CCSER1: variants seen among roughly 807,000 people sequenced by gnomAD.
The protein encoded by CCSER1 is coiled-coil serine rich protein 1.
Under a neutral mutation model 82.0 loss-of-function variants are expected in CCSER1, and 41 were observed. The ratio of observed to expected loss-of-function variants is 0.50; its 90% CI spans 0.39 to 0.65. The LOEUF is 0.65. CCSER1 is among the 30% of genes least tolerant of loss of function. The probability of loss-of-function intolerance (pLI) is 0.00; values close to 1 mark genes in which losing one functional copy is unlikely to be tolerated. For synonymous variants in CCSER1, 414 were observed against 383.9 expected, an observed-to-expected ratio of 1.08 and a Z score of -0.92; for missense variants, 1,119 against 1,064.2, an observed-to-expected ratio of 1.05 and a Z score of -0.72.
intron 10 of CCSER1, among the ~76,000 whole-genome samples, chr4:91,308,977 T>G (rs1169303099): frequency 6.6e-6 from 1 of 152,036 alleles, no homozygotes; most frequent in Non-Finnish European, 1.5e-5. Context: ...TTTAGGCTAC[T>G]GGCCTAAACC....
chr4:90,870,933 T>A (rs1251019416), intron 8 of CCSER1, among the ~76,000 whole-genome samples: 1 of 150,518 alleles, frequency 6.6e-6, no homozygotes, highest in African/African-American at 2.4e-5. Context: ...TTGAATATCC[T>A]CAAAATATAT....
intron 1 of CCSER1, among the ~76,000 whole-genome samples, chr4:90,274,441 C>T (rs1157134548): frequency 2.6e-5 from 4 of 152,096 alleles, no homozygotes; most frequent in African/African-American, 9.7e-5. Context: ...TACGTGTTAT[C>T]TATCAGCTTT....
At chr4:91,123,079 A>G (rs1727226477) in intron 10 of CCSER1, among the ~76,000 whole-genome samples, 2 of 151,674 alleles carry the variant, frequency 1.3e-5, no homozygotes, top group African/African-American at 2.4e-5. Flanking sequence ...TTATGCTGCA[A>G]TCATGCTTGT....
chr4:91,161,784 C>T (rs897820568), intron 10 of CCSER1, among the ~76,000 whole-genome samples: 1 of 152,006 alleles, frequency 6.6e-6, no homozygotes, highest in Non-Finnish European at 1.5e-5. Flanking sequence ...CAACATGAAG[C>T]AATAAGACAT....
At chr4:90,207,561 G>A (rs1040095109) in intron 1 of CCSER1, among the ~76,000 whole-genome samples, 22 of 152,100 alleles carry the variant, frequency 1.4e-4, no homozygotes, top group Admixed American at 7.9e-4. Flanking sequence ...TGATTCTTTC[G>A]AGGAGACAAG....
chr4:91,593,695 A>C (rs1764382869), intron 10 of CCSER1, among the ~76,000 whole-genome samples: 1 of 152,130 alleles, frequency 6.6e-6, no homozygotes, highest in South Asian at 2.1e-4. Context: ...ACACTGAATC[A>C]TTGAGAAAAA....
intron 10 of CCSER1, among the ~76,000 whole-genome samples, chr4:91,426,643 T>C (rs995900298): frequency 2.0e-5 from 3 of 152,210 alleles, no homozygotes; most frequent in Non-Finnish European, 4.4e-5. Flanking sequence ...GAAACCTATA[T>C]GATAAAATGT....
intron 1 of CCSER1, among the ~76,000 whole-genome samples, chr4:90,239,137 C>T (rs765253554): frequency 3.9e-5 from 6 of 152,116 alleles, no homozygotes; most frequent in East Asian, 1.9e-4. Context: ...TGTGAGCCAC[C>T]GTGCCCAGCC....
rs1024716750 is a variant in CCSER1 at position 91,153,888 on chromosome 4, C to A, written c.2217+67894C>A. ...CTCTGGAAGCTTTGTCTCAGAGGGG[C>A]CCCCGGCTGTATGAGGTGTCAGTCG... On this transcript the variant is annotated intron_variant, in intron 10 of 10. Transcript: ENST00000509176. Among the ~76,000 whole-genome samples, 7 of 151,782 alleles carry A rather than the reference C, an allele frequency of 4.6e-5. 1 individual carries two copies. The highest frequency in any genetic ancestry group is 1.0e-4 in the Non-Finnish European group (7 of 67,868).
At chr4:91,553,828 G>A (rs1762279483) in intron 10 of CCSER1, among the ~76,000 whole-genome samples, 1 of 148,900 alleles carries the variant, frequency 6.7e-6, no homozygotes, top group Admixed American at 6.7e-5. Flanking sequence ...TTTTAGTCTA[G>A]CTAAAGGTTT....
chr4:91,551,656 AACACACACACACAC>A (rs58159693), intron 10 of CCSER1, among the ~76,000 whole-genome samples: 7,853 of 139,504 alleles, frequency 0.056, 251 homozygotes, highest in Middle Eastern at 0.086. Flanking sequence ...GCAAAAAACA[AACACACACACACAC>A]ACACACACAC....
At chr4:90,848,739 G>C (rs948745579) in intron 8 of CCSER1, among the ~76,000 whole-genome samples, 1 of 152,192 alleles carries the variant, frequency 6.6e-6, no homozygotes, top group African/African-American at 2.4e-5. Context: ...ATCAAGGACA[G>C]GACCAGGTGG....
intron 10 of CCSER1, among the ~76,000 whole-genome samples, chr4:91,140,654 A>G (rs1462745040): frequency 6.6e-6 from 1 of 152,192 alleles, no homozygotes; most frequent in African/African-American, 2.4e-5. Context: ...CTGGAGTGAC[A>G]TGATTTTTGC....
At chr4:90,757,778 A>G (rs1354139266) in intron 7 of CCSER1, among the ~76,000 whole-genome samples, 2 of 150,606 alleles carry the variant, frequency 1.3e-5, no homozygotes, top group African/African-American at 4.8e-5. Context: ...GCCAAGGAGC[A>G]CATCAAAGAG....
chr4:91,365,454 A>G (rs1919225), intron 10 of CCSER1, among the ~76,000 whole-genome samples: 129,758 of 152,148 alleles, frequency 0.85, 55,743 homozygotes, highest in African/African-American at 0.96. Context: ...TGCAAAGTAG[A>G]TGATATTATA....
At chr4:90,407,489 C>A (rs1578315859) in intron 4 of CCSER1, among the ~76,000 whole-genome samples, 1 of 152,186 alleles carries the variant, frequency 6.6e-6, no homozygotes, top group Non-Finnish European at 1.5e-5. Flanking sequence ...GGGAATCCTC[C>A]TTAAATCATT....
rs186263097 is a variant in CCSER1, at chr4:91,176,620, T to G, written c.2217+90626T>G. On this transcript the variant is annotated intron_variant, in intron 10 of 10. Transcript: ENST00000509176. Reference sequence around the variant, plus strand: ...TTCACTCATGATTTGGCTCTCTGTTTGTCTGTTATTGGTGTATAAGAATGC... The same window carrying G: ...TTCACTCATGATTTGGCTCTCTGTTGGTCTGTTATTGGTGTATAAGAATGC... 5.1e-3 allele frequency among the ~76,000 whole-genome samples: 738 copies of G among 143,534 alleles called. 5 individuals are homozygous for G. Among genetic ancestry groups the G allele is most frequent in the African/African-American group, 0.021 (695 of 33,454 alleles). The allele number at this position is 143,534 out of a possible 152,430, so 94.2% of individuals were successfully genotyped here.
At chr4:91,445,770 CA>C (rs1353029048) in intron 10 of CCSER1, among the ~76,000 whole-genome samples, 1 of 151,880 alleles carries the variant, frequency 6.6e-6, no homozygotes, top group Non-Finnish European at 1.5e-5. Context: ...CTTCTATTAA[CA>C]AAAAAATTGG....
chr4:90,133,648 C>A (rs1459980805), intron 1 of CCSER1, among the ~76,000 whole-genome samples: 1 of 152,294 alleles, frequency 6.6e-6, no homozygotes, highest in African/African-American at 2.4e-5. Flanking sequence ...CTCTCCCTTT[C>A]CACCGAACCC....
Sources: allele counts gnomAD v4.1 joint callset (sites outside exome capture counted in the v4.1 genomes callset), GRCh38; gene constraint gnomAD v4.1.1; transcripts MANE v1.5; gene names NCBI Gene and HGNC (gene_info 2026-07-23, HGNC 2026-07-21).